The following TMEM74 variants were observed in gnomAD, a reference collection of about 807,000 sequenced individuals.
The protein encoded by TMEM74 is transmembrane protein 74.
Under a neutral mutation model 18.1 loss-of-function variants are expected in TMEM74, and 13 were observed. The ratio of observed to expected loss-of-function variants is 0.72; its 90% CI spans 0.47 to 1.14. The LOEUF is 1.14. Among genes scored for constraint, TMEM74 ranks in the 50% most tolerant of loss-of-function variants. The probability of loss-of-function intolerance (pLI) is 0.00; values close to 1 mark genes in which losing one functional copy is unlikely to be tolerated. For synonymous variants in TMEM74, 159 were observed against 146.6 expected (o/e 1.08, Z -0.61); for missense variants, 372 against 375.9 (o/e 0.99, Z 0.09).
intron 1 of TMEM74, among the ~76,000 whole-genome samples, chr8:108,660,299 A>C (rs1812887250): frequency 6.6e-6 from 1 of 152,202 alleles, no homozygotes. Context: ...CAGCTTTTGC[A>C]TCCTTGGCAG....
Position 108,718,200 on chromosome 8 carries a change from CG to C in TMEM74, n.120-62764del, listed in dbSNP as rs1469892472. Among the ~76,000 whole-genome samples the C allele has an allele frequency of 7.0e-5, 5 of 71,060 alleles. 2 individuals carry two copies. Among genetic ancestry groups the C allele is most frequent in the Non-Finnish European group, 1.1e-4 (5 of 44,454 alleles). 46.6% of individuals were successfully genotyped at this position (71,060 alleles called of 152,430 possible). A position where few individuals can be genotyped will look rare whatever the true frequency, so the allele number is the denominator to read the frequency against. On this transcript the variant is annotated intron_variant and non_coding_transcript_variant, in intron 1 of 3. Transcript: ENST00000518838. Reference sequence around the variant, plus strand: ...GTCTCGATCTCCTGACCTCGTGATCCGCCCGCCTCGGCCTCCCAAAGTGCTG... The same window carrying C: ...GTCTCGATCTCCTGACCTCGTGATCCCCCGCCTCGGCCTCCCAAAGTGCTG...
chr8:108,691,286 TC>T (rs1174940309), intron 1 of TMEM74, among the ~76,000 whole-genome samples: 1 of 152,122 alleles, frequency 6.6e-6, no homozygotes, highest in African/African-American at 2.4e-5. Flanking sequence ...ATGATGAAAG[TC>T]ATCTGCAGTC....
intron 1 of TMEM74, among the ~76,000 whole-genome samples, chr8:108,763,571 G>A (rs1016500430): frequency 1.3e-5 from 2 of 152,080 alleles, no homozygotes; most frequent in East Asian, 3.9e-4. Flanking sequence ...ATACCACCAA[G>A]AAGTATTAAT....
At chr8:108,657,850 AAAAAAAAAAATATATATAT>A (rs1812851477) in intron 1 of TMEM74, among the ~76,000 whole-genome samples, 1 of 40,506 alleles carries the variant, frequency 2.5e-5, no homozygotes. Context: ...CTCAAAAAAA[AAAAAAAAAAATATATATAT>A]ATATATATAT....
chr8:108,726,929 G>A (rs1813644875), intron 1 of TMEM74, among the ~76,000 whole-genome samples: 1 of 152,196 alleles, frequency 6.6e-6, no homozygotes, highest in Admixed American at 6.5e-5. Context: ...CAATATTACA[G>A]AGCATGGTCC....
rs141985798 is a variant in TMEM74 at position 108,634,310 on chromosome 8, A to C, written n.264+20983T>G. On this transcript the variant is annotated intron_variant and non_coding_transcript_variant, in intron 2 of 3. Transcript: ENST00000518838. ...AAATAAGCTTAAAAGCAAGAAGAGAAAAATCATGTTTTGGCACTTGTAGAG... is the reference window on the plus strand; with the variant it reads ...AAATAAGCTTAAAAGCAAGAAGAGACAAATCATGTTTTGGCACTTGTAGAG... 2.7e-3 allele frequency among the ~76,000 whole-genome samples: 411 copies of C among 152,138 alleles called. 3 individuals are homozygous for C. The highest frequency in any genetic ancestry group is 9.5e-3 in the African/African-American group (393 of 41,562).
intron 1 of TMEM74, among the ~76,000 whole-genome samples, chr8:108,695,817 G>T (rs927562952): frequency 6.6e-6 from 1 of 152,176 alleles, no homozygotes; most frequent in Admixed American, 6.5e-5. Flanking sequence ...AGATGACCCA[G>T]CTGTGAAATT....
intron 1 of TMEM74, among the ~76,000 whole-genome samples, chr8:108,744,026 G>T (rs7003085): frequency 7.4e-6 from 1 of 135,386 alleles, no homozygotes; most frequent in Admixed American, 7.5e-5. Flanking sequence ...AAAGAAGGAG[G>T]TGGGCAATGT....
intron 2 of TMEM74, among the ~76,000 whole-genome samples, chr8:108,634,444 C>G (rs1284803480): frequency 3.0e-4 from 46 of 151,984 alleles, no homozygotes; most frequent in Non-Finnish European, 1.5e-5. Context: ...TGTACATTAG[C>G]TCAAAATCCA....
chr8:108,639,001 G>T (rs1812634367), intron 2 of TMEM74, among the ~76,000 whole-genome samples: 1 of 152,062 alleles, frequency 6.6e-6, no homozygotes, highest in Admixed American at 6.6e-5. Flanking sequence ...CAGTGAACAG[G>T]CCATCAGTCT....
At chr8:108,679,776 CTTT>C (rs1199842886) in intron 1 of TMEM74, among the ~76,000 whole-genome samples, 2 of 152,112 alleles carry the variant, frequency 1.3e-5, no homozygotes. Flanking sequence ...TCAATTTTGG[CTTT>C]TGTTGCCATT....
chr8:108,730,617 A>C (rs568273438), intron 1 of TMEM74, among the ~76,000 whole-genome samples: 3 of 147,688 alleles, frequency 2.0e-5, no homozygotes, highest in Non-Finnish European at 3.0e-5. Context: ...CTTTAGCTTT[A>C]AATGTATGCA....
At chr8:108,732,997 C>T (rs1199467950) in intron 1 of TMEM74, among the ~76,000 whole-genome samples, 1 of 152,064 alleles carries the variant, frequency 6.6e-6, no homozygotes, top group Non-Finnish European at 1.5e-5. Context: ...AAAAGATGGA[C>T]AATGTCAAGC....
At chr8:108,768,183 T>C (rs1490792666) in intron 1 of TMEM74, among the ~76,000 whole-genome samples, 1 of 152,172 alleles carries the variant, frequency 6.6e-6, no homozygotes, top group African/African-American at 2.4e-5. Flanking sequence ...CATTAAATCT[T>C]GTGCTTTTTC....
rs79459649 is a variant in TMEM74 at position 108,666,804 on chromosome 8, C to A, written n.120-11367G>T. Among the ~76,000 whole-genome samples, 1,131 of 152,208 alleles carry A rather than the reference C, an allele frequency of 7.4e-3. 17 individuals are homozygous for A. Among genetic ancestry groups the A allele is most frequent in the African/African-American group, 0.026 (1,075 of 41,532 alleles). ...CTAACCGACCAGACAGAATCCTACC[C>A]AAATACTGCATTACATTTACCACAT... On this transcript the variant is annotated intron_variant and non_coding_transcript_variant, in intron 1 of 3. Coordinates refer to the TMEM74 transcript ENST00000518838.
intron 1 of TMEM74, among the ~76,000 whole-genome samples, chr8:108,701,000 A>G (rs1255323650): frequency 1.3e-5 from 2 of 152,222 alleles, no homozygotes; most frequent in Admixed American, 6.5e-5. Flanking sequence ...AAAACAAACT[A>G]GCAAATCAAA....
At chr8:108,654,532 C>A (rs1216871134) in intron 2 of TMEM74, among the ~76,000 whole-genome samples, 1 of 152,030 alleles carries the variant, frequency 6.6e-6, no homozygotes, top group Non-Finnish European at 1.5e-5. Context: ...TTTTCTCCAC[C>A]CTGACCCATG....
In TMEM74 at chr8:108,784,845, A is replaced by C. The variant is rs1223509859; in HGVS notation, c.254T>G (p.Leu85Arg). The C allele has an allele frequency of 6.2e-7, 1 of 1,614,194 alleles. No individual in the cohort carries two copies. Among genetic ancestry groups the C allele is most frequent in the Non-Finnish European group, 8.5e-7 (1 of 1,180,024 alleles). The stretch of plus-strand genomic sequence containing the variant: ...TATTTGGTTGTTCCCTGAGTGGAGA[A>C]GTCCTGGTGGAAAGGCATCTGGCTG... ...TLQPDAFPPG[L>R]LHSGNNQITA... Residue 85 changes from leucine (L) to arginine (R), a missense_variant, in exon 2 of 2, where the codon CTT becomes CGT. Transcript: ENST00000297459.
chr8:108,696,495 G>A (rs1813282665), intron 1 of TMEM74, among the ~76,000 whole-genome samples: 1 of 152,190 alleles, frequency 6.6e-6, no homozygotes, highest in Non-Finnish European at 1.5e-5. Flanking sequence ...TGCCTGCTAG[G>A]TGTGCAAATA....
Sources: allele counts gnomAD v4.1 joint callset (sites outside exome capture counted in the v4.1 genomes callset), GRCh38; gene constraint gnomAD v4.1.1; transcripts MANE v1.5; gene names NCBI Gene and HGNC (gene_info 2026-07-23, HGNC 2026-07-21).